The following PLLP variants were observed in gnomAD, a reference collection of about 807,000 sequenced individuals.
The protein encoded by PLLP is plasma membrane proteolipid (plasmolipin).
PLLP carries 15 observed loss-of-function variants against 19.7 expected under a neutral mutation model. The ratio of observed to expected loss-of-function variants is 0.76; its 90% CI spans 0.51 to 1.17. The LOEUF is 1.17. Among genes scored for constraint, PLLP ranks in the 50% most tolerant of loss-of-function variants. The pLI is 0.00. For synonymous variants in PLLP, 111 were observed against 116.3 expected (o/e 0.95, Z 0.29); for missense variants, 255 against 258.3 (o/e 0.99, Z 0.09).
At chr16:57,275,658 A>AC in intron 1 of PLLP, among the ~76,000 whole-genome samples, 1 of 132,610 alleles carries the variant, frequency 7.5e-6, no homozygotes, top group East Asian at 2.2e-4. Flanking sequence ...AAAAAAAAAA[A>AC]AAACACCATG....
chr16:57,258,036 C>A (rs111974823), intron 3 of PLLP, among the ~76,000 whole-genome samples: 1,565 of 152,000 alleles, frequency 0.01, 33 homozygotes, highest in African/African-American at 0.035. Flanking sequence ...CAAAAATTAG[C>A]CAGGCGTGAG....
At chr16:57,276,509 T>C (rs543520260) in intron 1 of PLLP, among the ~76,000 whole-genome samples, 295 of 151,314 alleles carry the variant, frequency 1.9e-3, no homozygotes, top group Non-Finnish European at 3.1e-3. Flanking sequence ...AGAGAATTGC[T>C]TGAACCCAGG....
At chr16:57,275,907 G>C (rs1901147956) in intron 1 of PLLP, among the ~76,000 whole-genome samples, 1 of 152,188 alleles carries the variant, frequency 6.6e-6, no homozygotes, top group African/African-American at 2.4e-5. Context: ...CTTGAGCCCA[G>C]GAGTTCGAGA....
At chr16:57,284,361 A>C (rs1226912336) in intron 1 of PLLP, 45 bp downstream of exon 1, 3 of 1,328,528 alleles carry the variant, frequency 2.3e-6, no homozygotes, top group Non-Finnish European at 2.9e-6. Flanking sequence ...TCCTGGCCGG[A>C]CCGGGAGCCC....
At chr16:57,283,083 T>G (rs1170933712) in intron 1 of PLLP, among the ~76,000 whole-genome samples, 1 of 151,982 alleles carries the variant, frequency 6.6e-6, no homozygotes, top group African/African-American at 2.4e-5. Flanking sequence ...GAAGACAGAA[T>G]CTTCTCCCCT....
intron 1 of PLLP, among the ~76,000 whole-genome samples, chr16:57,271,533 T>C (rs1213732491): frequency 6.6e-6 from 1 of 151,678 alleles, no homozygotes; most frequent in East Asian, 1.9e-4. Flanking sequence ...TAATCCCAGC[T>C]ACTCGGGAGG....
At chr16:57,269,803 T>C (rs2075468661) in intron 1 of PLLP, among the ~76,000 whole-genome samples, 1 of 152,220 alleles carries the variant, frequency 6.6e-6, no homozygotes, top group African/African-American at 2.4e-5. Context: ...TCTCGCTTTG[T>C]TGCCCAGGCT....
intron 1 of PLLP, among the ~76,000 whole-genome samples, chr16:57,282,638 C>G (rs1410372943): frequency 6.6e-6 from 1 of 152,110 alleles, no homozygotes; most frequent in African/African-American, 2.4e-5. Flanking sequence ...GAACCTAGAC[C>G]CTGTAGCTCG....
chr16:57,265,478 AG>A (rs1174260705), intron 1 of PLLP, among the ~76,000 whole-genome samples: 1 of 152,246 alleles, frequency 6.6e-6, no homozygotes, highest in Non-Finnish European at 1.5e-5. Context: ...AACTAACTAA[AG>A]GAAAGTCAGA....
rs1449576073 is a variant in PLLP at position 57,284,374 on chromosome 16, G to A, written c.135+32C>T. ...CATCCTGGCCGGACCGGGAGCCCCC[G>A]GCCAACCCCGTGGGCCCGCGCGTGC... On this transcript the variant is annotated intron_variant, in intron 1 of 3. Coordinates refer to ENST00000219207, the MANE Select transcript of PLLP (RefSeq NM_015993.3). 8.9e-6 allele frequency: 12 copies of A among 1,344,562 alleles called. No individual in the cohort carries two copies. The East Asian group carries it at 2.2e-4, about 24-fold the overall frequency. The allele number at this position is 1,344,562 out of a possible 1,614,324, so 83.3% of individuals were successfully genotyped here.
At chr16:57,271,701 C>G (rs2075476356) in intron 1 of PLLP, among the ~76,000 whole-genome samples, 1 of 151,920 alleles carries the variant, frequency 6.6e-6, no homozygotes, top group Admixed American at 6.6e-5. Flanking sequence ...CTGAAACTAC[C>G]CCTACTTAAT....
rs570831650 is a variant in PLLP, at chr16:57,271,216, C to T, written c.136-9146G>A. Among the ~76,000 whole-genome samples, 4 of 152,228 alleles carry T rather than the reference C, an allele frequency of 2.6e-5. No individual in the cohort carries two copies. In the East Asian group the frequency reaches 5.8e-4, roughly 22 times the overall value. On this transcript the variant is annotated intron_variant, in intron 1 of 3. Coordinates refer to ENST00000219207, the MANE Select transcript of PLLP (RefSeq NM_015993.3). ...ACCTACCCCAGTGGCTGAGCTGAGC[C>T]GCCCCTGGACCCCCAGCAAGGTCCT...
chr16:57,265,906 G>A (rs1555505716), intron 1 of PLLP, among the ~76,000 whole-genome samples: 2 of 152,126 alleles, frequency 1.3e-5, no homozygotes, highest in Non-Finnish European at 2.9e-5. Context: ...ATGTGCCTGT[G>A]GTCGCAGATA....
chr16:57,278,489 C>G (rs1221855412), intron 1 of PLLP, among the ~76,000 whole-genome samples: 3 of 152,182 alleles, frequency 2.0e-5, no homozygotes, highest in Non-Finnish European at 4.4e-5. Context: ...CCAACTACAG[C>G]TTTAGTGTAA....
At chr16:57,259,092 G>A (rs1234458020) in intron 2 of PLLP, among the ~76,000 whole-genome samples, 3 of 152,204 alleles carry the variant, frequency 2.0e-5, no homozygotes, top group Non-Finnish European at 2.9e-5. Context: ...ATGAGGCCCT[G>A]GTCCCCAGGA....
intron 1 of PLLP, among the ~76,000 whole-genome samples, chr16:57,281,345 G>A (rs549590349): frequency 6.6e-6 from 1 of 152,258 alleles, no homozygotes; most frequent in South Asian, 2.1e-4. Flanking sequence ...TTGGCAAAGG[G>A]CCTGAGCCTA....
At chr16:57,281,190 C>T (rs1442602759) in intron 1 of PLLP, among the ~76,000 whole-genome samples, 1 of 152,210 alleles carries the variant, frequency 6.6e-6, no homozygotes, top group African/African-American at 2.4e-5. Context: ...GCAGCAAAGC[C>T]ACACGTGGTC....
intron 1 of PLLP, among the ~76,000 whole-genome samples, chr16:57,283,848 G>A (rs1901248248): frequency 1.3e-5 from 2 of 152,240 alleles, no homozygotes; most frequent in Middle Eastern, 3.4e-3. Context: ...GTGCCTGAGT[G>A]TGCGTGTTGG....
At chr16:57,276,448 C>T (rs1413832793) in intron 1 of PLLP, among the ~76,000 whole-genome samples, 8 of 151,788 alleles carry the variant, frequency 5.3e-5, no homozygotes, top group Admixed American at 5.2e-4. Flanking sequence ...AAAAATTAGC[C>T]GGGCTTGGTG....
Sources: allele counts gnomAD v4.1 joint callset (sites outside exome capture counted in the v4.1 genomes callset), GRCh38; gene constraint gnomAD v4.1.1; transcripts MANE v1.5; gene names NCBI Gene and HGNC (gene_info 2026-07-23, HGNC 2026-07-21).